The following CRISPLD2 variants were observed in gnomAD, a reference collection of about 807,000 sequenced individuals.
CRISPLD2 encodes cysteine rich secretory protein LCCL domain containing 2.
Under a neutral mutation model 71.1 loss-of-function variants are expected in CRISPLD2, and 47 were observed. The observed-to-expected ratio is 0.66, with a 90% CI of 0.52 to 0.84. The LOEUF is 0.84. Among genes scored for constraint, CRISPLD2 ranks in the 40% least tolerant of loss-of-function variants. The pLI, the probability that CRISPLD2 is intolerant of heterozygous loss-of-function variation, is 0.00. For synonymous variants in CRISPLD2, 317 were observed against 250.1 expected (o/e 1.27, Z -2.52); for missense variants, 830 against 651.1 (o/e 1.27, Z -2.99).
rs1418947278 is a variant in CRISPLD2, at chr16:84,909,424, A to G, written c.*2782A>G. ...CACGTTGTTGCAATTGTTTCAGTAG[A>G]ACTGGTTTGATTTCTAAAATGTTCC... is the stretch of plus-strand genomic sequence containing the variant. On this transcript the variant is annotated 3_prime_UTR_variant, in exon 15 of 15. Coordinates refer to ENST00000262424, the MANE Select transcript of CRISPLD2 (RefSeq NM_031476.4). 1 of 152,660 alleles carries G rather than the reference A, an allele frequency of 6.6e-6. No individual in the cohort carries two copies. The highest frequency in any genetic ancestry group is 2.4e-5 in the African/African-American group (1 of 41,454). The allele number at this position is 152,660 out of a possible 1,614,324, so 9.5% of individuals were successfully genotyped here. A position where few individuals can be genotyped will look rare whatever the true frequency, so the allele number is the denominator to read the frequency against.
intron 6 of CRISPLD2, among the ~76,000 whole-genome samples, chr16:84,859,326 G>T (rs963046206): frequency 3.3e-5 from 5 of 152,172 alleles, no homozygotes; most frequent in Non-Finnish European, 7.3e-5. Flanking sequence ...ACTTTAACTG[G>T]AGGACCACAG....
At chr16:84,890,814 C>G (rs968494903) in intron 14 of CRISPLD2, among the ~76,000 whole-genome samples, 2 of 152,114 alleles carry the variant, frequency 1.3e-5, no homozygotes, top group African/African-American at 4.8e-5. Context: ...GAAAAAAAGA[C>G]CAAACAAAGT....
At chr16:84,820,900 C>T (rs1335788418) in intron 1 of CRISPLD2, among the ~76,000 whole-genome samples, 6 of 152,016 alleles carry the variant, frequency 3.9e-5, no homozygotes, top group Non-Finnish European at 7.4e-5. Context: ...GGTCGTCCCA[C>T]GTGGACAGAG....
chr16:84,870,260 T>A (rs1409766447), intron 8 of CRISPLD2, among the ~76,000 whole-genome samples: 1 of 133,532 alleles, frequency 7.5e-6, no homozygotes. Flanking sequence ...AGCAATTTGA[T>A]GTATTTCCTT....
intron 1 of CRISPLD2, among the ~76,000 whole-genome samples, chr16:84,832,672 G>C (rs772757269): frequency 6.6e-6 from 1 of 152,258 alleles, no homozygotes; most frequent in Non-Finnish European, 1.5e-5. Flanking sequence ...GCATGTCGGG[G>C]TCATGGGATG....
intron 13 of CRISPLD2, among the ~76,000 whole-genome samples, chr16:84,884,256 T>C (rs1002419786): frequency 6.6e-6 from 1 of 152,212 alleles, no homozygotes; most frequent in Non-Finnish European, 1.5e-5. Flanking sequence ...CTTTATCAGC[T>C]GAGTGATTTG....
chr16:84,849,636 A>G, intron 4 of CRISPLD2, 119 bp downstream of exon 4: 1 of 1,117,284 alleles, frequency 9.0e-7, no homozygotes, highest in Non-Finnish European at 1.3e-6. Context: ...TTCATTTTTA[A>G]AAATTCAGTT....
intron 6 of CRISPLD2, among the ~76,000 whole-genome samples, chr16:84,864,401 G>A (rs373317399): frequency 2.0e-5 from 3 of 152,252 alleles, no homozygotes; most frequent in Admixed American, 6.5e-5. Context: ...ATAAAGCTGC[G>A]ATTATGAGGT....
Position 84,877,280 on chromosome 16 carries a change from G to A in CRISPLD2, c.1157-158G>A, listed in dbSNP as rs554393317. Reference sequence around the variant, plus strand: ...GGTCTCATCTCTTAAGTGCCCCTACGTGGGGTACGAGGAGCCTGCTGGGTC... The same window carrying A: ...GGTCTCATCTCTTAAGTGCCCCTACATGGGGTACGAGGAGCCTGCTGGGTC... On this transcript the variant is annotated intron_variant, in intron 11 of 14. Transcript: ENST00000262424. Among the ~76,000 whole-genome samples, 8 of 152,256 alleles carry A rather than the reference G, an allele frequency of 5.3e-5. No individual in the cohort carries two copies. The East Asian group carries it at 1.2e-3, about 22-fold the overall frequency.
chr16:84,860,969 G>A (rs999571968), intron 6 of CRISPLD2, among the ~76,000 whole-genome samples: 5 of 152,076 alleles, frequency 3.3e-5, no homozygotes, highest in South Asian at 4.2e-4. Context: ...CACTTTGTCC[G>A]GTGAACTTAG....
rs1044845269 is a variant in CRISPLD2 at position 84,908,703 on chromosome 16, T to TC, written c.*2064dup. 7 of 90,996 alleles carry TC rather than the reference T, an allele frequency of 7.7e-5. No individual in the cohort carries two copies. In the East Asian group the frequency reaches 2.3e-3, roughly 30 times the overall value. 5.6% of individuals were successfully genotyped at this position (90,996 alleles called of 1,614,324 possible). On this transcript the variant is annotated 3_prime_UTR_variant, in exon 15 of 15. Transcript: ENST00000262424. ...GTCTTTTTTTTTTTTTTTTTTTTTT[T>TC]CCCGAGACCAAGTTTCACTCTGTTG...
At chr16:84,848,030 G>A (rs1328273614) in intron 3 of CRISPLD2, among the ~76,000 whole-genome samples, 2 of 152,198 alleles carry the variant, frequency 1.3e-5, no homozygotes, top group Non-Finnish European at 2.9e-5. Flanking sequence ...AAGTAGGATT[G>A]CTGGGCCAAA....
At chr16:84,850,470 A>G (rs553335360) in intron 4 of CRISPLD2, 98 bp from the exon 5 acceptor site, 16 of 897,564 alleles carry the variant, frequency 1.8e-5, no homozygotes, top group South Asian at 8.4e-5. Flanking sequence ...TTCACCTCGT[A>G]CCTCTTTAGT....
chr16:84,848,808 G>A (rs921212892), intron 3 of CRISPLD2, among the ~76,000 whole-genome samples: 4 of 151,984 alleles, frequency 2.6e-5, no homozygotes, highest in Non-Finnish European at 5.9e-5. Flanking sequence ...CGGGCTTCAT[G>A]GGCTGGATAG....
chr16:84,891,811 C>T (rs1018390824), intron 14 of CRISPLD2, among the ~76,000 whole-genome samples: 8 of 152,256 alleles, frequency 5.3e-5, no homozygotes, highest in African/African-American at 1.4e-4. Flanking sequence ...CTTTCCCACC[C>T]GCCCCACTAT....
chr16:84,831,386 C>T (rs1916484249), intron 1 of CRISPLD2, among the ~76,000 whole-genome samples: 1 of 152,102 alleles, frequency 6.6e-6, no homozygotes. Context: ...CCTGCCATCC[C>T]CCAAGCATTG....
At chr16:84,853,303 CCT>C (rs1917140322) in intron 5 of CRISPLD2, among the ~76,000 whole-genome samples, 1 of 152,192 alleles carries the variant, frequency 6.6e-6, no homozygotes, top group Non-Finnish European at 1.5e-5. Flanking sequence ...GGCTCTGGGA[CCT>C]CTCGGTCCCT....
At chr16:84,840,745 T>A (rs922495548) in intron 2 of CRISPLD2, among the ~76,000 whole-genome samples, 1 of 152,158 alleles carries the variant, frequency 6.6e-6, no homozygotes, top group Non-Finnish European at 1.5e-5. Flanking sequence ...TTTCACCATG[T>A]TGGCCAGGCT....
At position 84,880,523 on chromosome 16, in the gene CRISPLD2, C is replaced by T. The variant is rs2071558873; in HGVS notation, c.1244C>T (p.Ala415Val). 3.1e-6 allele frequency: 5 copies of T among 1,613,442 alleles called. No homozygotes were observed. The highest frequency in any genetic ancestry group is 4.2e-6 in the Non-Finnish European group (5 of 1,179,544). ...ATHCPRIHCP[A>V]HCKDEPSYWA... ...CTGTTTTTCAGAATCCATTGTCCGG[C>T]ACACTGCAAAGACGAACCTTCCTAC... The change falls in exon 13 of 15, where the codon GCA becomes GTA. Residue 415 changes from alanine to valine, a missense_variant. Ala to Val is a moderately conservative substitution (Grantham distance 64). Transcript: ENST00000262424.
Sources: allele counts gnomAD v4.1 joint callset (sites outside exome capture counted in the v4.1 genomes callset), GRCh38; gene constraint gnomAD v4.1.1; transcripts MANE v1.5; gene names NCBI Gene and HGNC (gene_info 2026-07-23, HGNC 2026-07-21).